The following RANBP2 variants were observed in gnomAD, a reference collection of about 807,000 sequenced individuals.
The protein encoded by RANBP2 is RAN binding protein 2.
A neutral mutation model predicts 303.6 loss-of-function variants in RANBP2; 57 were observed. The ratio of observed to expected loss-of-function variants is 0.19; its 90% CI spans 0.15 to 0.23. RANBP2 has a LOEUF of 0.23. Ranked by LOEUF, RANBP2 falls within the 10% of genes least tolerant of loss-of-function variation. The pLI, the probability that RANBP2 is intolerant of heterozygous loss-of-function variation, is 1.00. For synonymous variants in RANBP2, 1,167 were observed against 1,301.5 expected, an observed-to-expected ratio of 0.90 and a Z score of 2.23; for missense variants, 3,138 against 3,780.8, an observed-to-expected ratio of 0.83 and a Z score of 4.46.
At chr2:109,158,121 C>G in the RANBP2 span, among the ~76,000 whole-genome samples, 3 of 152,104 alleles carry the variant, frequency 2.0e-5, no homozygotes, top group Non-Finnish European at 2.9e-5. Context: ...GGTCCCATAG[C>G]TAGTAAGGTG....
chr2:109,571,744 C>T, the RANBP2 span, among the ~76,000 whole-genome samples: 1 of 152,120 alleles, frequency 6.6e-6, no homozygotes, highest in Non-Finnish European at 1.5e-5. Flanking sequence ...TGAGGGATGA[C>T]TAGGAAGCAT....
At chr2:109,677,437 G>C in the RANBP2 span, among the ~76,000 whole-genome samples, 1 of 152,130 alleles carries the variant, frequency 6.6e-6, no homozygotes, top group Non-Finnish European at 1.5e-5. Flanking sequence ...CTTGACCTCT[G>C]CCCTGGCATG....
downstream of RANBP2, among the ~76,000 whole-genome samples, chr2:108,790,428 C>T (rs1172462773): frequency 1.3e-5 from 2 of 152,088 alleles, no homozygotes; most frequent in Admixed American, 1.3e-4. Flanking sequence ...ACTATGCTGT[C>T]CAGCACAGTA....
the RANBP2 span, chr2:109,545,141 G>A: frequency 5.1e-6 from 5 of 985,176 alleles, no homozygotes; most frequent in Middle Eastern, 5.2e-4. Flanking sequence ...GCTCTGTGGG[G>A]AACATGGGAG....
chr2:109,393,838 T>C, the RANBP2 span, among the ~76,000 whole-genome samples: 3 of 151,966 alleles, frequency 2.0e-5, no homozygotes, highest in Non-Finnish European at 2.9e-5. Flanking sequence ...ATGTTACAGC[T>C]GCTGTCCTCC....
At chr2:109,687,253 C>G in the RANBP2 span, among the ~76,000 whole-genome samples, 1 of 152,156 alleles carries the variant, frequency 6.6e-6, no homozygotes. Context: ...TTTGTATCAA[C>G]AAAGACTTTT....
the RANBP2 span, chr2:108,882,919 C>CT: frequency 6.6e-6 from 1 of 151,666 alleles, no homozygotes; most frequent in Non-Finnish European, 1.5e-5. Context: ...AAGACCTTGT[C>CT]TTCTTTATAT....
the RANBP2 span, chr2:109,617,719 G>C: frequency 6.0e-6 from 1 of 166,904 alleles, no homozygotes; most frequent in African/African-American, 2.4e-5. Flanking sequence ...CATTGAATTT[G>C]TTTAAAGATG....
chr2:109,564,438 T>C, the RANBP2 span: 8 of 1,599,446 alleles, frequency 5.0e-6, no homozygotes, highest in East Asian at 2.2e-5. Context: ...GTAAAGCTCA[T>C]AGTGCCTGGT....
the RANBP2 span, among the ~76,000 whole-genome samples, chr2:109,136,416 G>T: frequency 3.3e-5 from 5 of 152,290 alleles, no homozygotes; most frequent in East Asian, 9.7e-4. Context: ...ACAGGGTGTC[G>T]AGCTGAAGGT....
chr2:109,674,410 CAAAAAA>C, the RANBP2 span, among the ~76,000 whole-genome samples: 12 of 75,270 alleles, frequency 1.6e-4, no homozygotes, highest in Non-Finnish European at 2.4e-4. Flanking sequence ...CTTGTGTCTC[CAAAAAA>C]AAAAAAAAAA....
the RANBP2 span, chr2:109,449,166 C>G: frequency 1.2e-6 from 2 of 1,612,810 alleles, no homozygotes; most frequent in South Asian, 1.1e-5. Flanking sequence ...AACCCCGTCT[C>G]CAGCTGCCCA....
chr2:109,393,518 A>G, the RANBP2 span, among the ~76,000 whole-genome samples: 1 of 152,178 alleles, frequency 6.6e-6, no homozygotes, highest in African/African-American at 2.4e-5. Context: ...AGCAGAGCCC[A>G]GGACACAGTA....
chr2:108,876,160 A>T, the RANBP2 span: 1 of 1,612,660 alleles, frequency 6.2e-7, no homozygotes, highest in East Asian at 2.2e-5. Context: ...CAACAAACCC[A>T]GAGCATGCAT....
At chr2:109,675,491 G>A in the RANBP2 span, among the ~76,000 whole-genome samples, 3 of 152,102 alleles carry the variant, frequency 2.0e-5, no homozygotes, top group Admixed American at 2.0e-4. Context: ...AGACCAGCCT[G>A]GCCAACATAG....
At chr2:109,614,783 G>A in the RANBP2 span, 1 of 1,477,052 alleles carries the variant, frequency 6.8e-7, no homozygotes. Context: ...CGCGAATCCA[G>A]GTGACCGCCG....
the RANBP2 span, among the ~76,000 whole-genome samples, chr2:109,748,773 T>G: frequency 4.6e-5 from 7 of 151,330 alleles, no homozygotes. Context: ...CTCGGGAGAC[T>G]GAGGCAGGAG....
At chr2:109,230,180 A>G in the RANBP2 span, among the ~76,000 whole-genome samples, 1 of 151,774 alleles carries the variant, frequency 6.6e-6, no homozygotes, top group Non-Finnish European at 1.5e-5. Flanking sequence ...TATACTATAT[A>G]TTGTTTATCC....
At chr2:109,321,649 T>C in the RANBP2 span, among the ~76,000 whole-genome samples, 1 of 152,350 alleles carries the variant, frequency 6.6e-6, no homozygotes, top group Admixed American at 6.5e-5. Context: ...AAAACCCTCT[T>C]GTGGCAGAAG....
Sources: gnomAD v4.1 joint callset for allele counts (sites outside exome capture counted in the v4.1 genomes callset) on GRCh38, gnomAD v4.1.1 for gene constraint, MANE v1.5 for transcripts, NCBI Gene and HGNC (gene_info 2026-07-23, HGNC 2026-07-21) for gene names.